GJA3: variants seen among roughly 807,000 people sequenced by gnomAD.
The protein encoded by GJA3 is gap junction protein alpha 3.
For missense variants in GJA3, 571 were observed against 620.3 expected (o/e 0.92, Z 0.84); for synonymous variants, 297 against 292.6 (o/e 1.02, Z -0.15).
Position 20,142,930 on chromosome 13 carries a change from G to C in GJA3, c.359C>G (p.Pro120Arg). Residue 120 changes from proline (P) to arginine (R), a missense_variant, in exon 2 of 2, where the codon CCC (proline) becomes CGC (arginine). By Grantham distance (103) the Pro-to-Arg change is moderately radical. Transcript: ENST00000241125. Reference protein sequence around the residue: ...EEEEQLKRESPSPKEPPQDNP... With the variant: ...EEEEQLKRESRSPKEPPQDNP... ...GTCCTGCGGTGGCTCCTTGGGGCTG[G>C]GGCTCTCTCTCTTCAGCTGCTCCTC... 6.3e-7 allele frequency: 1 copy of C among 1,578,318 alleles called. No individual in the cohort carries two copies. Among genetic ancestry groups the C allele is most frequent in the Non-Finnish European group, 8.6e-7 (1 of 1,162,022 alleles).
chr13:20,143,090 C>T lies in GJA3; in HGVS notation c.199G>A (p.Asp67Asn), dbSNP rs746892668. 12 of 1,613,936 alleles carry T rather than the reference C, an allele frequency of 7.4e-6. No individual in the cohort carries two copies. The highest frequency in any genetic ancestry group is 1.1e-5 in the South Asian group (1 of 91,022). ...ATGTGGGAGATGGGGAAGGCCCTGT[C>T]GTAGCAGACGTTCTCGCAGCCCGGC... ...QQPGCENVCY[D>N]RAFPISHIRF... The change falls in exon 2 of 2, where the codon GAC becomes AAC. Residue 67 changes from aspartate (D) to asparagine (N), a missense_variant. By Grantham distance (23) the Asp-to-Asn change is conservative. Transcript: ENST00000241125.
intron 1 of GJA3, among the ~76,000 whole-genome samples, chr13:20,146,271 G>A (rs910527310): frequency 1.1e-4 from 17 of 152,238 alleles, no homozygotes; most frequent in African/African-American, 3.4e-4. Context: ...TGCCACTGGC[G>A]TTTCCCTGTG....
At chr13:20,147,990 G>T (rs1187505686) in intron 1 of GJA3, among the ~76,000 whole-genome samples, 1 of 152,060 alleles carries the variant, frequency 6.6e-6, no homozygotes, top group Non-Finnish European at 1.5e-5. Context: ...CAAGGGCAAG[G>T]GTGTCTGTGT....
At position 20,142,486 on chromosome 13, in the gene GJA3, A is replaced by G. The variant is rs1958815982; in HGVS notation, c.803T>C (p.Phe268Ser). The G allele has an allele frequency of 3.9e-6, 6 of 1,552,362 alleles. No individual in the cohort carries two copies. The East Asian group carries it at 1.4e-4, about 37-fold the overall frequency. ...SSRPPAVAIG[F>S]PPYYAHTAAP... ...AGCGGTGTGCGCATAGTAGGGTGGG[A>G]ACCCGATGGCAACGGCGGGCGGCCG... is the stretch of plus-strand genomic sequence containing the variant. Residue 268 changes from phenylalanine (F) to serine (S), a missense_variant, in exon 2 of 2, where the codon TTC becomes TCC. Phe to Ser is a radical substitution (Grantham distance 155). Coordinates refer to ENST00000241125, the MANE Select transcript of GJA3 (RefSeq NM_021954.4).
At position 20,152,272 on chromosome 13, in the gene GJA3, G is replaced by T. The variant is rs527711768; in HGVS notation, c.-18+8618C>A. On this transcript the variant is annotated intron_variant, in intron 1 of 1. Transcript: ENST00000241125. ...ACAGATGGGCCGGGCACCTGCAGAG[G>T]AGCTGATCACCACCAAGTGCAAGTT... Among the ~76,000 whole-genome samples the T allele has an allele frequency of 1.3e-4, 19 of 150,874 alleles. 1 individual carries two copies. The South Asian group carries it at 3.8e-3, about 30-fold the overall frequency.
chr13:20,141,969 G>A lies in GJA3; in HGVS notation c.*12C>T. On this transcript the variant is annotated 3_prime_UTR_variant, in exon 2 of 2. Transcript: ENST00000241125. ...ATCACTACACAGCTGTCTGGAGGCA[G>A]GCACCCGGGCACTAGATGGCCAAGT... The A allele has an allele frequency of 1.3e-6, 2 of 1,550,160 alleles. No homozygotes were observed. The highest frequency in any genetic ancestry group is 2.4e-5 in the East Asian group (1 of 40,892).
chr13:20,142,531 G>T lies in GJA3; in HGVS notation c.758C>A (p.Pro253Gln), dbSNP rs753781759. The change falls in exon 2 of 2, where the codon CCG (proline) becomes CAG (glutamine). Residue 253 changes from proline to glutamine, a missense_variant. Physicochemically the swap from Pro to Gln is moderately conservative, Grantham distance 76 (BLOSUM62 -1). Transcript: ENST00000241125. ...SEAPLGTADP[P>Q]PLPPSSRPPA... ...CGGCCGGGAGCTGGGGGGCAGGGGCGGGGGATCGGCTGTCCCCAGCGGGGC... is the reference window on the plus strand; with the variant it reads ...CGGCCGGGAGCTGGGGGGCAGGGGCTGGGGATCGGCTGTCCCCAGCGGGGC... The T allele has an allele frequency of 9.0e-6, 14 of 1,557,006 alleles. No individual in the cohort carries two copies. The African/African-American group carries it at 1.6e-4, about 18-fold the overall frequency.
chr13:20,144,746 G>A (rs1027204146), intron 1 of GJA3, among the ~76,000 whole-genome samples: 31 of 152,184 alleles, frequency 2.0e-4, no homozygotes, highest in African/African-American at 6.8e-4. Context: ...ATGGCATCCC[G>A]TGTCGCTGCT....
chr13:20,161,171 C>T (rs1958935822), upstream of GJA3: 1 of 152,964 alleles, frequency 6.5e-6, no homozygotes, highest in East Asian at 1.9e-4. Context: ...GCATCCCTAC[C>T]CTGTACGCGC....
In GJA3 at chr13:20,157,876, C is replaced by CT. The variant is rs36097117; in HGVS notation, c.-18+3013dup. ...TTACTTCATCACAAATTTGAATTAT[C>CT]TTTTTTTTTTTTTCTGTCACACTTA... is the stretch of plus-strand genomic sequence containing the variant. On this transcript the variant is annotated intron_variant, in intron 1 of 1. Coordinates refer to ENST00000241125, the MANE Select transcript of GJA3 (RefSeq NM_021954.4). Among the ~76,000 whole-genome samples the CT allele has an allele frequency of 5.6e-3, 833 of 147,690 alleles. 6 individuals are homozygous for CT. Among genetic ancestry groups the CT allele is most frequent in the African/African-American group, 0.017 (694 of 40,088 alleles).
intron 1 of GJA3, among the ~76,000 whole-genome samples, chr13:20,150,241 C>T (rs535888662): frequency 1.3e-5 from 2 of 152,256 alleles, no homozygotes; most frequent in Admixed American, 6.5e-5. Flanking sequence ...GGAACGAAGA[C>T]AATCAGGAGG....
Position 20,143,266 on chromosome 13 carries a change from C to T in GJA3, c.23G>A (p.Gly8Glu), listed in dbSNP as rs769245321. The stretch of plus-strand genomic sequence containing the variant: ...CTCCTGTGCATTTTCTAAGAGTCTT[C>T]CCAGAAAGCTCCAGTCGCCCATTGC... MGDWSFL[G>E]RLLENAQEHS... Residue 8 changes from glycine to glutamate, a missense_variant, in exon 2 of 2, where the codon GGA becomes GAA. Transcript: ENST00000241125. The T allele has an allele frequency of 3.5e-5, 54 of 1,522,780 alleles. No individual in the cohort carries two copies. Among genetic ancestry groups the T allele is most frequent in the Non-Finnish European group, 4.4e-5 (50 of 1,137,600 alleles). 94.3% of individuals were successfully genotyped at this position (1,522,780 alleles called of 1,614,324 possible). A position where few individuals can be genotyped will look rare whatever the true frequency, so the allele number is the denominator to read the frequency against.
intron 1 of GJA3, among the ~76,000 whole-genome samples, chr13:20,144,357 C>T (rs1030098826): frequency 2.0e-5 from 3 of 152,264 alleles, no homozygotes; most frequent in South Asian, 2.1e-4. Flanking sequence ...CAACAGCACT[C>T]GTGGGTACCC....
chr13:20,149,868 T>C (rs1014792504), intron 1 of GJA3, among the ~76,000 whole-genome samples: 4 of 152,072 alleles, frequency 2.6e-5, no homozygotes, highest in Non-Finnish European at 1.5e-5. Context: ...GACAGATGAA[T>C]GAAAGAGTGG....
intron 1 of GJA3, among the ~76,000 whole-genome samples, chr13:20,144,239 A>C (rs559421430): frequency 2.6e-5 from 4 of 152,312 alleles, no homozygotes; most frequent in Admixed American, 2.0e-4. Context: ...GCAGAGCTGA[A>C]GGGGTGCTGG....
rs565221948 is a variant in GJA3 at position 20,155,862 on chromosome 13, G to A, written c.-18+5028C>T. Among the ~76,000 whole-genome samples, 4 of 152,106 alleles carry A rather than the reference G, an allele frequency of 2.6e-5. No individual in the cohort carries two copies. In the East Asian group the frequency reaches 7.7e-4, roughly 29 times the overall value. On this transcript the variant is annotated intron_variant, in intron 1 of 1. Transcript: ENST00000241125. ...CTCAAAGTTATGTGGTTATTGTATA[G>A]TTCCAGGGGTTTCCATTTCTAATTT... is the stretch of plus-strand genomic sequence containing the variant.
At position 20,139,888 on chromosome 13, in the gene GJA3, TAAAG is replaced by T. The variant is rs1566513363; in HGVS notation, c.*2089_*2092del. The T allele has an allele frequency of 6.6e-6, 1 of 152,214 alleles. No homozygotes were observed. The highest frequency in any genetic ancestry group is 1.5e-5 in the Non-Finnish European group (1 of 68,034). 9.4% of individuals were successfully genotyped at this position (152,214 alleles called of 1,614,324 possible). A position where few individuals can be genotyped will look rare whatever the true frequency, so the allele number is the denominator to read the frequency against. On this transcript the variant is annotated 3_prime_UTR_variant, in exon 2 of 2. Coordinates refer to ENST00000241125, the MANE Select transcript of GJA3 (RefSeq NM_021954.4). ...TATGAACATTTATTATGGTAGAACT[TAAAG>T]AACCAAGTATTGACATCCACTTGTA...
intron 1 of GJA3, among the ~76,000 whole-genome samples, chr13:20,150,755 C>T (rs1324325132): frequency 3.3e-5 from 5 of 152,216 alleles, no homozygotes; most frequent in Non-Finnish European, 5.9e-5. Context: ...GTGACAGCCA[C>T]TTGCCTCCGA....
At position 20,138,969 on chromosome 13, in the gene GJA3, T is replaced by C. The variant is rs1958791943; in HGVS notation, c.*3012A>G. On this transcript the variant is annotated 3_prime_UTR_variant, in exon 2 of 2. Coordinates refer to ENST00000241125, the MANE Select transcript of GJA3 (RefSeq NM_021954.4). The stretch of plus-strand genomic sequence containing the variant: ...AGTCCAGGTATTCTTGTGTAGGAAT[T>C]CTATGACCTATCCACTTACTTGTCC... 1 of 152,214 alleles carries C rather than the reference T, an allele frequency of 6.6e-6. No homozygotes were observed. The highest frequency in any genetic ancestry group is 2.4e-5 in the African/African-American group (1 of 41,460). 9.4% of individuals were successfully genotyped at this position (152,214 alleles called of 1,614,324 possible). A position where few individuals can be genotyped will look rare whatever the true frequency, so the allele number is the denominator to read the frequency against.
Sources: gnomAD v4.1 joint callset for allele counts (sites outside exome capture counted in the v4.1 genomes callset) on GRCh38, gnomAD v4.1.1 for gene constraint, MANE v1.5 for transcripts, NCBI Gene and HGNC (gene_info 2026-07-23, HGNC 2026-07-21) for gene names.